The following SEMA3A variants were observed in gnomAD, a reference collection of about 807,000 sequenced individuals.
SEMA3A encodes semaphorin 3A.
In SEMA3A, 29 loss-of-function variants were observed where a neutral mutation model predicts 97.9. The observed-to-expected ratio is 0.30, with a 90% CI of 0.22 to 0.40. SEMA3A has a LOEUF of 0.40. SEMA3A is among the 10% of genes least tolerant of loss of function. The pLI, the probability that SEMA3A is intolerant of heterozygous loss-of-function variation, is 1.00. For synonymous variants in SEMA3A, 321 were observed against 323.7 expected, an observed-to-expected ratio of 0.99 and a Z score of 0.09; for missense variants, 763 against 951.3, an observed-to-expected ratio of 0.80 and a Z score of 2.60.
intron 15 of SEMA3A, among the ~76,000 whole-genome samples, chr7:83,968,369 G>T (rs1164705756): frequency 6.6e-6 from 1 of 152,166 alleles, no homozygotes; most frequent in Non-Finnish European, 1.5e-5. Context: ...CTTATTCACT[G>T]TATTGATGTC....
chr7:84,172,576 C>T (rs1256333387), intron 1 of SEMA3A, among the ~76,000 whole-genome samples: 3 of 152,040 alleles, frequency 2.0e-5, no homozygotes, highest in South Asian at 2.1e-4. Context: ...CATCCGCCAC[C>T]ACGCCCGGCT....
chr7:84,007,520 A>G (rs1017975537), intron 9 of SEMA3A, 23 bp from the exon 10 acceptor site: 3 of 1,496,814 alleles, frequency 2.0e-6, no homozygotes, highest in Non-Finnish European at 2.7e-6. Flanking sequence ...GCAAGAATAA[A>G]AACAGAAGTT....
At chr7:84,214,475 T>C (rs906706977) in intron 3 of SEMA3A, among the ~76,000 whole-genome samples, 2 of 152,214 alleles carry the variant, frequency 1.3e-5, no homozygotes, top group Admixed American at 6.5e-5. Flanking sequence ...TAGATTCTTA[T>C]ACTCACAAAA....
chr7:84,030,792 A>G (rs938590487), intron 6 of SEMA3A, among the ~76,000 whole-genome samples: 1 of 152,148 alleles, frequency 6.6e-6, no homozygotes, highest in Non-Finnish European at 1.5e-5. Flanking sequence ...CCTAGCTAAC[A>G]TATTTAAATT....
At chr7:84,449,945 T>G (rs1422982438) in intron 1 of SEMA3A, among the ~76,000 whole-genome samples, 1 of 152,212 alleles carries the variant, frequency 6.6e-6, no homozygotes, top group Non-Finnish European at 1.5e-5. Context: ...AATATTTCAT[T>G]GCATCTATTA....
intron 6 of SEMA3A, among the ~76,000 whole-genome samples, chr7:84,024,221 C>A (rs1182763492): frequency 6.6e-6 from 1 of 151,924 alleles, no homozygotes; most frequent in African/African-American, 2.4e-5. Context: ...TAGGCTTCTC[C>A]CAGTCACTAG....
At chr7:84,492,233 C>T (rs1228938) in intron 1 of SEMA3A, among the ~76,000 whole-genome samples, 26,349 of 151,950 alleles carry the variant, frequency 0.17, 2,471 homozygotes, top group Middle Eastern at 0.23. Flanking sequence ...TTATTAGCAC[C>T]ACATTTCAGT....
rs145226658 is a variant in SEMA3A at position 84,037,490 on chromosome 7, C to A, written c.667+8834G>T. On this transcript the variant is annotated intron_variant, in intron 6 of 16. Transcript: ENST00000265362. ...CTACAGATGCATGCCACCATACCTG[C>A]CTAATTTTTAAATTATTTGTAGAGA... Among the ~76,000 whole-genome samples, 1,414 of 151,992 alleles carry A rather than the reference C, an allele frequency of 9.3e-3. 18 individuals are homozygous for A. Among genetic ancestry groups the A allele is most frequent in the African/African-American group, 0.032 (1,334 of 41,476 alleles).
At chr7:84,372,816 A>T (rs1803004990) in intron 1 of SEMA3A, among the ~76,000 whole-genome samples, 1 of 152,132 alleles carries the variant, frequency 6.6e-6, no homozygotes, top group Non-Finnish European at 1.5e-5. Flanking sequence ...AGCTTGTATT[A>T]CTGGCACTAC....
chr7:84,116,059 A>G (rs13222995), intron 3 of SEMA3A, among the ~76,000 whole-genome samples: 35,403 of 152,154 alleles, frequency 0.23, 4,285 homozygotes, highest in African/African-American at 0.3. Flanking sequence ...AGGGAAAGAC[A>G]GAAAAACTGA....
At chr7:84,479,056 C>T (rs1806375086) in intron 1 of SEMA3A, among the ~76,000 whole-genome samples, 1 of 152,020 alleles carries the variant, frequency 6.6e-6, no homozygotes, top group Non-Finnish European at 1.5e-5. Context: ...ACATTAGTAA[C>T]TATAAAACAA....
intron 3 of SEMA3A, among the ~76,000 whole-genome samples, chr7:84,253,378 T>A (rs947929492): frequency 6.6e-5 from 10 of 151,306 alleles, no homozygotes; most frequent in African/African-American, 9.7e-5. Flanking sequence ...AAAAAAAAAA[T>A]TGTGTTAAGG....
intron 2 of SEMA3A, among the ~76,000 whole-genome samples, chr7:84,360,091 T>C (rs1802675597): frequency 6.6e-6 from 1 of 151,698 alleles, no homozygotes; most frequent in African/African-American, 2.4e-5. Flanking sequence ...AAAAACCAGC[T>C]CCTGGTTTCA....
At chr7:84,472,100 A>C (rs1395112941) in intron 1 of SEMA3A, among the ~76,000 whole-genome samples, 1 of 152,092 alleles carries the variant, frequency 6.6e-6, no homozygotes, top group Non-Finnish European at 1.5e-5. Context: ...GTCTATAATA[A>C]AATATTAATA....
At chr7:84,297,375 T>C (rs1384426733) in intron 3 of SEMA3A, among the ~76,000 whole-genome samples, 1 of 152,114 alleles carries the variant, frequency 6.6e-6, no homozygotes, top group Non-Finnish European at 1.5e-5. Flanking sequence ...AATAATTCCA[T>C]AATTTGATCT....
intron 4 of SEMA3A, among the ~76,000 whole-genome samples, chr7:84,104,028 C>T (rs1795034795): frequency 6.6e-6 from 1 of 152,026 alleles, no homozygotes; most frequent in Non-Finnish European, 1.5e-5. Context: ...CAGTGACTGT[C>T]TCACCCCAGT....
intron 10 of SEMA3A, among the ~76,000 whole-genome samples, chr7:84,006,313 ATTGTT>A (rs1007499196): frequency 2.0e-5 from 3 of 152,122 alleles, no homozygotes; most frequent in African/African-American, 7.2e-5. Context: ...ACTATTCTTT[ATTGTT>A]TTGTTTCTAA....
At chr7:84,306,529 C>G (rs1207289123) in intron 3 of SEMA3A, 1 of 152,102 alleles carries the variant, frequency 6.6e-6, no homozygotes, top group Non-Finnish European at 1.5e-5. Context: ...TTAATAGCAA[C>G]ATATGTAACC....
intron 1 of SEMA3A, among the ~76,000 whole-genome samples, chr7:84,465,651 T>A (rs1316870962): frequency 1.3e-5 from 2 of 152,190 alleles, no homozygotes; most frequent in Non-Finnish European, 2.9e-5. Context: ...TTGATTTATC[T>A]TTATTTAATT....
Sources: allele counts gnomAD v4.1 joint callset (sites outside exome capture counted in the v4.1 genomes callset), GRCh38; gene constraint gnomAD v4.1.1; transcripts MANE v1.5; gene names NCBI Gene and HGNC (gene_info 2026-07-23, HGNC 2026-07-21).